EYA4: variants seen among roughly 807,000 people sequenced by gnomAD.
EYA4 encodes the protein EYA transcriptional coactivator and phosphatase 4.
EYA4 carries 31 observed loss-of-function variants against 87.9 expected under a neutral mutation model. The observed-to-expected ratio is 0.35, with a 90% CI of 0.27 to 0.48. The LOEUF (loss-of-function observed/expected upper bound fraction) is 0.48. Ranked by LOEUF, EYA4 falls within the 20% of genes least tolerant of loss-of-function variation. EYA4 has a pLI of 0.99. For synonymous variants in EYA4, 263 were observed against 270.6 expected (o/e 0.97, Z 0.28); for missense variants, 678 against 761.4 (o/e 0.89, Z 1.29).
intron 11 of EYA4, among the ~76,000 whole-genome samples, chr6:133,470,087 T>G (rs1398516889): frequency 6.7e-5 from 10 of 149,996 alleles, no homozygotes; most frequent in African/African-American, 2.5e-4. Flanking sequence ...AGAAGCTCTT[T>G]AGTTTAATTA....
rs71003634 is a variant in EYA4 at position 133,332,711 on chromosome 6, ATTTTTTT to A, written c.34-49662_34-49656del. On this transcript the variant is annotated intron_variant, in intron 2 of 19. Transcript: ENST00000355286. The stretch of plus-strand genomic sequence containing the variant: ...GGCATGTGCCACCACGCCCAGCTAA[ATTTTTTT>A]TTTTTTTTTTTTTTTTTTGTATTTT... Among the ~76,000 whole-genome samples the A allele has an allele frequency of 6.1e-4, 76 of 124,902 alleles. No homozygotes were observed. In the East Asian group the frequency reaches 0.011, roughly 18 times the overall value. 81.9% of individuals were successfully genotyped at this position (124,902 alleles called of 152,430 possible).
At chr6:133,440,693 A>C (rs1792186789) in intron 3 of EYA4, among the ~76,000 whole-genome samples, 1 of 152,216 alleles carries the variant, frequency 6.6e-6, no homozygotes, top group Admixed American at 6.5e-5. Context: ...TACAAGCTAA[A>C]ATTGTGAAGG....
intron 10 of EYA4, among the ~76,000 whole-genome samples, chr6:133,466,864 A>G (rs1794894525): frequency 6.6e-6 from 1 of 151,940 alleles, no homozygotes; most frequent in Non-Finnish European, 1.5e-5. Flanking sequence ...TGCTCACGTA[A>G]GGCCTGGTGG....
At chr6:133,464,649 T>G (rs1794691217) in intron 9 of EYA4, 130 bp from the exon 10 acceptor site, 1 of 689,626 alleles carries the variant, frequency 1.5e-6, no homozygotes, top group Non-Finnish European at 2.6e-6. Context: ...TGTATAAATG[T>G]CTCAACTTCA....
At chr6:133,317,807 G>A (rs35220931) in intron 2 of EYA4, among the ~76,000 whole-genome samples, 36 of 144,280 alleles carry the variant, frequency 2.5e-4, no homozygotes, top group Non-Finnish European at 3.3e-4. Context: ...CCAGCCCCCC[G>A]TTCATCTATC....
At chr6:133,512,345 G>C (rs1583517258) in intron 14 of EYA4, among the ~76,000 whole-genome samples, 1 of 152,238 alleles carries the variant, frequency 6.6e-6, no homozygotes, top group East Asian at 1.9e-4. Context: ...ACTAAGTTTT[G>C]TGTATCTTCA....
In EYA4 at chr6:133,495,763, C is replaced by G. The variant is rs548912233; in HGVS notation, c.1192-10343C>G. 2.0e-5 allele frequency among the ~76,000 whole-genome samples: 3 copies of G among 152,210 alleles called. No homozygotes were observed. The South Asian group carries it at 6.2e-4, about 32-fold the overall frequency. ...TGCAGGGCCTGTTGAGCACAGATTG[C>G]TGCGTTACAACCCAGAGTTTCTGAT... is the stretch of plus-strand genomic sequence containing the variant. On this transcript the variant is annotated intron_variant, in intron 13 of 19. Coordinates refer to ENST00000355286, the MANE Select transcript of EYA4 (RefSeq NM_004100.5).
chr6:133,394,915 A>T (rs941340559), intron 3 of EYA4, among the ~76,000 whole-genome samples: 3 of 152,254 alleles, frequency 2.0e-5, no homozygotes, highest in South Asian at 2.1e-4. Context: ...GATATGCCTT[A>T]GTACTGTGTG....
At chr6:133,482,635 T>TTCTTTTAAATA (rs1208421204) in intron 12 of EYA4, among the ~76,000 whole-genome samples, 3 of 152,268 alleles carry the variant, frequency 2.0e-5, no homozygotes, top group African/African-American at 7.2e-5. Flanking sequence ...TACTCATTGA[T>TTCTTTTAAATA]TCTTTTAAAT....
chr6:133,451,520 C>T (rs1793442125), intron 5 of EYA4, among the ~76,000 whole-genome samples: 1 of 152,116 alleles, frequency 6.6e-6, no homozygotes, highest in Non-Finnish European at 1.5e-5. Flanking sequence ...AGGGCTAGGG[C>T]AGTATCTAAA....
Position 133,510,625 on chromosome 6 carries a change from G to A in EYA4, c.1282-2096G>A, listed in dbSNP as rs1311297139. 7 of 240,372 alleles carry A rather than the reference G, an allele frequency of 2.9e-5. 1 individual carries two copies. In the South Asian group the frequency reaches 3.0e-4, roughly 10 times the overall value. The allele number at this position is 240,372 out of a possible 1,614,324, so 14.9% of individuals were successfully genotyped here. On this transcript the variant is annotated intron_variant, in intron 14 of 19. Transcript: ENST00000355286. ...TAATGCCTCCTTTGGTTACAGTTTG[G>A]ACTGCACTCCTTTCAGCCAATACTT... is the stretch of plus-strand genomic sequence containing the variant.
At chr6:133,474,862 C>G (rs1261038411) in intron 11 of EYA4, among the ~76,000 whole-genome samples, 1 of 152,044 alleles carries the variant, frequency 6.6e-6, no homozygotes, top group African/African-American at 2.4e-5. Flanking sequence ...AAATTAAACC[C>G]ACAGTTTTTC....
intron 1 of EYA4, among the ~76,000 whole-genome samples, chr6:133,262,276 A>G (rs1379345312): frequency 6.6e-6 from 1 of 152,250 alleles, no homozygotes; most frequent in Admixed American, 6.5e-5. Context: ...TGCTTCTAAG[A>G]AAGGCTTCAA....
At chr6:133,466,672 T>A (rs1221845937) in intron 10 of EYA4, among the ~76,000 whole-genome samples, 1 of 151,958 alleles carries the variant, frequency 6.6e-6, no homozygotes, top group Non-Finnish European at 1.5e-5. Flanking sequence ...GGCCAAGACT[T>A]CTAAGAGTTA....
At chr6:133,275,805 C>T (rs1164342089) in intron 2 of EYA4, among the ~76,000 whole-genome samples, 4 of 151,976 alleles carry the variant, frequency 2.6e-5, no homozygotes, top group Admixed American at 2.0e-4. Context: ...ATAGACATGA[C>T]CATAGTCTAA....
Position 133,394,295 on chromosome 6 carries a change from T to A in EYA4, c.83+11854T>A, listed in dbSNP as rs958123585. ...ATATATAAGCTTGTGTTTTTTTTTT[T>A]TTTTTTTTTTTTTTTTTTTTTTTGG... is the stretch of plus-strand genomic sequence containing the variant. On this transcript the variant is annotated intron_variant, in intron 3 of 19. Transcript: ENST00000355286. Among the ~76,000 whole-genome samples, 14 of 21,704 alleles carry A rather than the reference T, an allele frequency of 6.5e-4. 1 individual carries two copies. Among genetic ancestry groups the A allele is most frequent in the Admixed American group, 2.3e-3 (6 of 2,598 alleles). 14.2% of individuals were successfully genotyped at this position (21,704 alleles called of 152,430 possible).
In EYA4 at chr6:133,483,074, C is replaced by G; in HGVS notation, c.1150C>G (p.His384Asp). The G allele has an allele frequency of 6.2e-7, 1 of 1,613,246 alleles. No homozygotes were observed. The highest frequency in any genetic ancestry group is 8.5e-7 in the Non-Finnish European group (1 of 1,179,506). Residue 384 changes from histidine to aspartate, a missense_variant, in exon 13 of 20, where the codon CAC becomes GAC. Coordinates refer to ENST00000355286, the MANE Select transcript of EYA4 (RefSeq NM_004100.5). ...TTTGGATGAAACCATCATTGTTTTT[C>G]ACTCACTGCTCACCGGGTCTTATGC... ...WDLDETIIVFHSLLTGSYAQK... is the reference protein window; with the variant it reads ...WDLDETIIVFDSLLTGSYAQK...
chr6:133,344,641 T>G (rs1448971743), intron 2 of EYA4, among the ~76,000 whole-genome samples: 1 of 152,142 alleles, frequency 6.6e-6, no homozygotes, highest in Non-Finnish European at 1.5e-5. Context: ...ATGATTATTT[T>G]GATGTTAATA....
chr6:133,499,998 G>A (rs1052177712), intron 13 of EYA4, among the ~76,000 whole-genome samples: 1 of 151,096 alleles, frequency 6.6e-6, no homozygotes, highest in African/African-American at 2.4e-5. Flanking sequence ...AAAGTAACAT[G>A]TATATGAATC....
Sources: gnomAD v4.1 joint callset for allele counts (sites outside exome capture counted in the v4.1 genomes callset) on GRCh38, gnomAD v4.1.1 for gene constraint, MANE v1.5 for transcripts, NCBI Gene and HGNC (gene_info 2026-07-23, HGNC 2026-07-21) for gene names.